The following OCM variants were observed in gnomAD, a reference collection of about 807,000 sequenced individuals.
OCM encodes the protein oncomodulin-1.
OCM carries 18 observed loss-of-function variants against 14.1 expected under a neutral mutation model. The ratio of observed to expected loss-of-function variants is 1.28; its 90% CI spans 0.88 to 1.89. OCM has a LOEUF of 1.89. Ranked by LOEUF, OCM falls within the 40% of genes most tolerant of loss-of-function variation. The pLI is 0.00. For synonymous variants in OCM, 48 were observed against 51.0 expected (o/e 0.94, Z 0.25); for missense variants, 140 against 137.6 (o/e 1.02, Z -0.09).
chr7:5,877,164 G>A (rs775623161), upstream of OCM, among the ~76,000 whole-genome samples: 1 of 151,788 alleles, frequency 6.6e-6, no homozygotes, highest in Non-Finnish European at 1.5e-5. Flanking sequence ...ATCTATTTTT[G>A]CACTTTTTAA....
chr7:5,861,653 AG>A, the OCM span, among the ~76,000 whole-genome samples: 1 of 152,158 alleles, frequency 6.6e-6, no homozygotes, highest in African/African-American at 2.4e-5. Flanking sequence ...CTCTCTCACC[AG>A]TGCTTGGCAT....
At chr7:5,875,248 C>G (rs922791521), upstream of OCM, among the ~76,000 whole-genome samples, 1 of 151,570 alleles carries the variant, frequency 6.6e-6, no homozygotes, top group African/African-American at 2.4e-5. Flanking sequence ...GTAGAGACAG[C>G]GTTTCGCCAC....
chr7:5,864,693 A>G, the OCM span, among the ~76,000 whole-genome samples: 1 of 152,006 alleles, frequency 6.6e-6, no homozygotes, highest in Non-Finnish European at 1.5e-5. Context: ...CGTGGCTCAC[A>G]CCTGTAATCC....
upstream of OCM, among the ~76,000 whole-genome samples, chr7:5,880,297 A>AT (rs1270153600): frequency 6.6e-6 from 1 of 152,150 alleles, no homozygotes; most frequent in African/African-American, 2.4e-5. Context: ...TATAATTTTT[A>AT]TAAGAAAACA....
upstream of OCM, among the ~76,000 whole-genome samples, chr7:5,877,926 A>G (rs944935873): frequency 6.6e-6 from 1 of 151,858 alleles, no homozygotes; most frequent in African/African-American, 2.4e-5. Flanking sequence ...AAAAAGACAA[A>G]TACTATATGA....
chr7:5,873,983 A>AG, the OCM span, among the ~76,000 whole-genome samples: 1 of 150,870 alleles, frequency 6.6e-6, no homozygotes, highest in Non-Finnish European at 1.5e-5. Flanking sequence ...TGGGAGGCTG[A>AG]GGGGGGCGGA....
At chr7:5,874,223 CAAAAAAAAAAAAAAAA>C in the OCM span, among the ~76,000 whole-genome samples, 6 of 31,492 alleles carry the variant, frequency 1.9e-4, no homozygotes, top group Admixed American at 2.1e-3. Flanking sequence ...GACTCTGTCT[CAAAAAAAAAAAAAAAA>C]AAAAAAAAAA....
chr7:5,866,091 G>A, the OCM span, among the ~76,000 whole-genome samples: 517 of 151,836 alleles, frequency 3.4e-3, 5 homozygotes, highest in African/African-American at 0.011. Flanking sequence ...GAGGCTGAAG[G>A]AGGAGGATTA....
the OCM span, among the ~76,000 whole-genome samples, chr7:5,862,254 G>C: frequency 2.8e-4 from 43 of 152,038 alleles, no homozygotes; most frequent in Non-Finnish European, 1.5e-5. Flanking sequence ...CTTGGAAACT[G>C]AGTCATGCAA....
the OCM span, among the ~76,000 whole-genome samples, chr7:5,870,092 AT>A: frequency 6.6e-6 from 1 of 151,270 alleles, no homozygotes; most frequent in East Asian, 2.0e-4. Context: ...TTGCAGAATC[AT>A]TTTTTATTTT....
the OCM span, among the ~76,000 whole-genome samples, chr7:5,869,364 G>A: frequency 2.0e-5 from 3 of 151,894 alleles, no homozygotes; most frequent in Non-Finnish European, 2.9e-5. Context: ...TTGGGAGGCC[G>A]AGGCAGGTGG....
At chr7:5,875,465 T>G (rs1304992620), upstream of OCM, among the ~76,000 whole-genome samples, 2 of 152,072 alleles carry the variant, frequency 1.3e-5, no homozygotes, top group Non-Finnish European at 2.9e-5. Flanking sequence ...TTTTAAAATT[T>G]AAATAAATAT....
chr7:5,877,311 A>C (rs189610820), upstream of OCM, among the ~76,000 whole-genome samples: 1 of 148,880 alleles, frequency 6.7e-6, no homozygotes, highest in Non-Finnish European at 1.5e-5. Context: ...CCAAAAAAAT[A>C]CAAAAAATTA....
At chr7:5,875,058 ATTT>A (rs67221316), upstream of OCM, among the ~76,000 whole-genome samples, 4 of 134,612 alleles carry the variant, frequency 3.0e-5, no homozygotes, top group Non-Finnish European at 1.6e-5. Flanking sequence ...ATATATATGT[ATTT>A]TTTTTTTTTT....
the OCM span, among the ~76,000 whole-genome samples, chr7:5,867,278 G>T: frequency 6.6e-6 from 1 of 151,944 alleles, no homozygotes; most frequent in Non-Finnish European, 1.5e-5. Context: ...AGGAGTTCAA[G>T]ACAAGCCTGG....
At position 5,880,856 on chromosome 7, in the gene OCM, C is replaced by T. The variant is rs200958506; in HGVS notation, c.-34C>T. On this transcript the variant is annotated 5_prime_UTR_variant, in exon 1 of 4. Transcript: ENST00000242104. Reference sequence around the variant, plus strand: ...GTGCACATTCCTGTTTGTGGCTTATCGCCTCTCATTTATTCTGTGTGAGTA... The same window carrying T: ...GTGCACATTCCTGTTTGTGGCTTATTGCCTCTCATTTATTCTGTGTGAGTA... 23 of 1,605,636 alleles carry T rather than the reference C, an allele frequency of 1.4e-5. 1 individual carries two copies. In the Middle Eastern group the frequency reaches 5.0e-4, roughly 35 times the overall value.
chr7:5,868,407 A>G, the OCM span, among the ~76,000 whole-genome samples: 1 of 149,406 alleles, frequency 6.7e-6, no homozygotes, highest in African/African-American at 2.5e-5. Context: ...TTGGCCTCCC[A>G]AAGTGCTGGG....
upstream of OCM, among the ~76,000 whole-genome samples, chr7:5,877,508 T>C (rs146957030): frequency 9.9e-5 from 15 of 151,420 alleles, no homozygotes; most frequent in East Asian, 3.0e-3. Context: ...ATAAAAAACA[T>C]GAATCCAGCT....
chr7:5,862,124 G>A, the OCM span, among the ~76,000 whole-genome samples: 5,545 of 152,104 alleles, frequency 0.036, 134 homozygotes, highest in Non-Finnish European at 0.053. Context: ...TCATGTGCTC[G>A]TTTGCCATCC....
Sources: allele counts gnomAD v4.1 joint callset (sites outside exome capture counted in the v4.1 genomes callset), GRCh38; gene constraint gnomAD v4.1.1; transcripts MANE v1.5; gene names NCBI Gene and HGNC (gene_info 2026-07-23, HGNC 2026-07-21).